XRCC5: variants seen among roughly 807,000 people sequenced by gnomAD.
The protein encoded by XRCC5 is X-ray repair cross complementing 5.
In XRCC5, 12 loss-of-function variants were observed where a neutral mutation model predicts 95.7. That is an observed-to-expected ratio of 0.13 (90% CI 0.08 to 0.20). XRCC5 has a LOEUF of 0.20. XRCC5 is among the 10% of genes least tolerant of loss of function. The probability of loss-of-function intolerance (pLI) is 1.00; values close to 1 mark genes in which losing one functional copy is unlikely to be tolerated. For missense variants in XRCC5, 595 were observed against 873.9 expected (o/e 0.68, Z 4.02); for synonymous variants, 281 against 290.3 (o/e 0.97, Z 0.33).
At chr2:216,135,710 C>T (rs1256238811) in intron 10 of XRCC5, among the ~76,000 whole-genome samples, 2 of 151,310 alleles carry the variant, frequency 1.3e-5, no homozygotes, top group African/African-American at 2.4e-5. Flanking sequence ...GAGGCACAAA[C>T]ATTGCTTGAA....
intron 10 of XRCC5, 74 bp from the exon 11 acceptor site, chr2:216,137,014 C>G: frequency 6.6e-7 from 1 of 1,518,832 alleles, no homozygotes. Context: ...TGATAACAGT[C>G]TTAAAGTATT....
At chr2:216,167,684 G>C (rs1689080336) in intron 16 of XRCC5, among the ~76,000 whole-genome samples, 2 of 151,312 alleles carry the variant, frequency 1.3e-5, no homozygotes, top group African/African-American at 2.4e-5. Flanking sequence ...ACTCTGCCCA[G>C]ATAGATAAGA....
intron 16 of XRCC5, among the ~76,000 whole-genome samples, chr2:216,180,579 A>G (rs943219395): frequency 1.3e-5 from 2 of 151,806 alleles, no homozygotes; most frequent in African/African-American, 4.8e-5. Flanking sequence ...GTGAGCTGTG[A>G]TCATGCCAGT....
intron 16 of XRCC5, among the ~76,000 whole-genome samples, chr2:216,187,821 A>ACACACTCTCTCTCT (rs1312215177): frequency 2.1e-5 from 1 of 47,950 alleles, no homozygotes; most frequent in African/African-American, 1.0e-4. Context: ...ACACACACAC[A>ACACACTCTCTCTCT]CTCTCTCTCT....
chr2:216,153,964 T>C (rs543044091), intron 14 of XRCC5, among the ~76,000 whole-genome samples: 1 of 152,356 alleles, frequency 6.6e-6, no homozygotes, highest in South Asian at 2.1e-4. Context: ...CCCCTCTTCA[T>C]GCTATTATTC....
chr2:216,175,623 A>T, intron 16 of XRCC5: 1 of 408,518 alleles, frequency 2.4e-6, no homozygotes, highest in Non-Finnish European at 4.7e-6. Context: ...AACTGTATCT[A>T]CTTTAATACC....
intron 15 of XRCC5, among the ~76,000 whole-genome samples, chr2:216,161,078 G>A (rs1236941822): frequency 6.6e-6 from 1 of 152,166 alleles, no homozygotes; most frequent in East Asian, 1.9e-4. Flanking sequence ...AATGTACTAG[G>A]AAGGATAGTC....
intron 19 of XRCC5, among the ~76,000 whole-genome samples, chr2:216,198,660 G>C (rs781172903): frequency 6.6e-6 from 1 of 151,964 alleles, no homozygotes; most frequent in Non-Finnish European, 1.5e-5. Context: ...GGTTCAAGCA[G>C]TTGTGCCTCA....
chr2:216,160,372 G>A (rs1688929042), intron 15 of XRCC5, among the ~76,000 whole-genome samples: 1 of 152,104 alleles, frequency 6.6e-6, no homozygotes, highest in South Asian at 2.1e-4. Flanking sequence ...TTATCTATAT[G>A]ATATAAGGTA....
intron 14 of XRCC5, among the ~76,000 whole-genome samples, chr2:216,151,585 T>C (rs1177990732): frequency 6.6e-6 from 1 of 152,192 alleles, no homozygotes; most frequent in Admixed American, 6.5e-5. Flanking sequence ...TCTCAAAGCC[T>C]CAGTTTCCTC....
intron 16 of XRCC5, among the ~76,000 whole-genome samples, chr2:216,187,829 T>C (rs867100118): frequency 1.1e-5 from 1 of 90,174 alleles, no homozygotes. Flanking sequence ...ACACTCTCTC[T>C]CTCTCTCTCT....
At chr2:216,124,505 C>T (rs1696873544) in intron 6 of XRCC5, among the ~76,000 whole-genome samples, 1 of 152,240 alleles carries the variant, frequency 6.6e-6, no homozygotes, top group East Asian at 1.9e-4. Context: ...GGTTTATATT[C>T]TGTTTGACTA....
chr2:216,161,544 G>A (rs780583741), intron 15 of XRCC5, among the ~76,000 whole-genome samples: 34 of 152,258 alleles, frequency 2.2e-4, no homozygotes, highest in African/African-American at 7.9e-4. Flanking sequence ...TGGGCACTTC[G>A]GTGAATCAGG....
rs1689688825 is a variant in XRCC5 at position 216,195,032 on chromosome 2, A to G, written c.2109+46A>G. The G allele has an allele frequency of 4.4e-6, 7 of 1,580,744 alleles. No individual in the cohort carries two copies. In the East Asian group the frequency reaches 1.6e-4, roughly 35 times the overall value. On this transcript the variant is annotated intron_variant, in intron 19 of 20. Transcript: ENST00000392132. ...GTCTTTAGTTGAATTATTATAGTGG[A>G]CTTTATTTTCTTGATACCCTCGAAG...
intron 15 of XRCC5, among the ~76,000 whole-genome samples, chr2:216,160,765 G>A (rs746215530): frequency 4.0e-5 from 6 of 151,830 alleles, no homozygotes; most frequent in Non-Finnish European, 7.4e-5. Flanking sequence ...TGTCACCCAC[G>A]CCGGAGTACA....
intron 1 of XRCC5, chr2:216,111,449 G>A (rs562915509): frequency 2.7e-5 from 12 of 445,222 alleles, no homozygotes; most frequent in East Asian, 2.2e-4. Flanking sequence ...ACTTGAGCCC[G>A]GGAGATGGAG....
chr2:216,170,924 G>A (rs757006295), intron 16 of XRCC5, among the ~76,000 whole-genome samples: 3 of 152,172 alleles, frequency 2.0e-5, no homozygotes, highest in Non-Finnish European at 4.4e-5. Context: ...GTCATGTCAT[G>A]TAGGGTATTG....
intron 10 of XRCC5, among the ~76,000 whole-genome samples, chr2:216,134,896 A>G (rs1365747753): frequency 3.3e-5 from 5 of 152,202 alleles, no homozygotes; most frequent in Non-Finnish European, 5.9e-5. Context: ...TATTTGCTAC[A>G]TATCTCATTT....
chr2:216,132,909 A>G (rs1343449044), intron 10 of XRCC5, among the ~76,000 whole-genome samples: 1 of 152,222 alleles, frequency 6.6e-6, no homozygotes, highest in Non-Finnish European at 1.5e-5. Context: ...TCTCCAAGTT[A>G]GAACTAACTT....
Sources: allele counts gnomAD v4.1 joint callset (sites outside exome capture counted in the v4.1 genomes callset), GRCh38; gene constraint gnomAD v4.1.1; transcripts MANE v1.5; gene names NCBI Gene and HGNC (gene_info 2026-07-23, HGNC 2026-07-21).